The following STK32B variants were observed in gnomAD, a reference collection of about 807,000 sequenced individuals.
STK32B encodes serine/threonine-protein kinase 32B.
In STK32B, 43 loss-of-function variants were observed where a neutral mutation model predicts 52.6. That is an observed-to-expected ratio of 0.82 (90% confidence interval 0.64 to 1.05). The LOEUF (loss-of-function observed/expected upper bound fraction) is 1.05, where lower values mean the gene tolerates loss of function less well. Among genes scored for constraint, STK32B ranks in the 50% least tolerant of loss-of-function variants. The pLI is 0.00. For synonymous variants in STK32B, 238 were observed against 204.3 expected (o/e 1.17, Z -1.41); for missense variants, 621 against 534.6 (o/e 1.16, Z -1.59).
At chr4:5,295,017 A>G (rs986998517) in intron 3 of STK32B, among the ~76,000 whole-genome samples, 1 of 152,150 alleles carries the variant, frequency 6.6e-6, no homozygotes, top group Non-Finnish European at 1.5e-5. Context: ...CCTTTTCTGC[A>G]TCTATTGAGA....
At chr4:5,471,783 A>G (rs890190309) in intron 11 of STK32B, among the ~76,000 whole-genome samples, 2 of 152,060 alleles carry the variant, frequency 1.3e-5, no homozygotes, top group Non-Finnish European at 2.9e-5. Context: ...GTGGGTTCTG[A>G]GTTGAGTCAT....
At chr4:5,304,645 T>C (rs191197015) in intron 3 of STK32B, among the ~76,000 whole-genome samples, 3 of 152,278 alleles carry the variant, frequency 2.0e-5, no homozygotes, top group Non-Finnish European at 4.4e-5. Context: ...CAGTTTGACT[T>C]CCTCATTACC....
At chr4:5,447,072 A>G in intron 7 of STK32B, 1 of 269,622 alleles carries the variant, frequency 3.7e-6, no homozygotes, top group East Asian at 7.5e-5. Flanking sequence ...TCGTGGTTTC[A>G]AACACTGTCC....
chr4:5,074,340 A>G (rs953962281), intron 1 of STK32B, among the ~76,000 whole-genome samples: 3 of 151,836 alleles, frequency 2.0e-5, no homozygotes, highest in Non-Finnish European at 2.9e-5. Flanking sequence ...AAAATTTGAG[A>G]TATTATATTT....
At chr4:5,377,630 A>G (rs994083127) in intron 4 of STK32B, among the ~76,000 whole-genome samples, 1 of 152,190 alleles carries the variant, frequency 6.6e-6, no homozygotes, top group Admixed American at 6.5e-5. Flanking sequence ...CCACGTGTCA[A>G]GGGAGGACCC....
At chr4:5,087,727 T>G (rs1156908469) in intron 1 of STK32B, among the ~76,000 whole-genome samples, 4 of 151,200 alleles carry the variant, frequency 2.6e-5, no homozygotes, top group Non-Finnish European at 5.9e-5. Context: ...AATAAAAAGG[T>G]CAACCCACCA....
chr4:5,053,131 T>C (rs529119120), intron 1 of STK32B, among the ~76,000 whole-genome samples: 1 of 152,322 alleles, frequency 6.6e-6, no homozygotes, highest in East Asian at 1.9e-4. Flanking sequence ...AAAAGATAGA[T>C]GAACACAGTC....
chr4:5,375,095 AC>A (rs1735500551), intron 4 of STK32B, among the ~76,000 whole-genome samples: 1 of 151,616 alleles, frequency 6.6e-6, no homozygotes, highest in Non-Finnish European at 1.5e-5. Context: ...GTCCCCTCCC[AC>A]CCCTGGTGGT....
At chr4:5,384,196 C>T (rs185178150) in intron 4 of STK32B, among the ~76,000 whole-genome samples, 2 of 152,242 alleles carry the variant, frequency 1.3e-5, no homozygotes, top group African/African-American at 4.8e-5. Context: ...TTGAGAGTAC[C>T]TGGGTTTTAC....
At chr4:5,466,603 C>A in intron 9 of STK32B, 100 bp from the exon 10 acceptor site, 1 of 1,430,114 alleles carries the variant, frequency 7.0e-7, no homozygotes, top group Non-Finnish European at 9.3e-7. Context: ...GTAAGTTCAT[C>A]ATTACTTGTT....
intron 11 of STK32B, among the ~76,000 whole-genome samples, chr4:5,491,507 A>T (rs537226854): frequency 3.9e-4 from 59 of 151,386 alleles, no homozygotes; most frequent in African/African-American, 1.1e-3. Flanking sequence ...GGTTGTGAAA[A>T]TTTTCTCCCA....
rs1334175683 is a variant in STK32B, at chr4:5,492,889, C to T, written c.1107-6056C>T. Among the ~76,000 whole-genome samples, 165 of 150,784 alleles carry T rather than the reference C, an allele frequency of 1.1e-3. 3 individuals are homozygous for T. The Middle Eastern group carries it at 0.014, about 12-fold the overall frequency. On this transcript the variant is annotated intron_variant, in intron 11 of 11. Coordinates refer to ENST00000282908, the MANE Select transcript of STK32B (RefSeq NM_018401.3). The stretch of plus-strand genomic sequence containing the variant: ...ATGCTGGATTACATTTATTGATTTG[C>T]GTATATTGAACCAGCCTTGCATCCC...
chr4:5,290,425 TAAATACTAAGACAC>T (rs1728826137), intron 3 of STK32B, among the ~76,000 whole-genome samples: 1 of 152,154 alleles, frequency 6.6e-6, no homozygotes, highest in Non-Finnish European at 1.5e-5. Context: ...ACTTTTTTGT[TAAATACTAAGACAC>T]AAACACAAAC....
intron 4 of STK32B, among the ~76,000 whole-genome samples, chr4:5,393,376 T>G (rs2109039459): frequency 6.6e-6 from 1 of 152,340 alleles, no homozygotes; most frequent in South Asian, 2.1e-4. Flanking sequence ...AACTTATAAG[T>G]GAGGAAGCTA....
intron 11 of STK32B, among the ~76,000 whole-genome samples, chr4:5,479,777 C>T (rs1718534110): frequency 6.6e-6 from 1 of 152,170 alleles, no homozygotes; most frequent in South Asian, 2.1e-4. Context: ...AACTCAATTA[C>T]CATTATTCAA....
chr4:5,142,087 A>G (rs558867048), intron 2 of STK32B, among the ~76,000 whole-genome samples: 1 of 152,338 alleles, frequency 6.6e-6, no homozygotes, highest in African/African-American at 2.4e-5. Context: ...GAAGGGCAGG[A>G]GGATAGTTTG....
intron 3 of STK32B, among the ~76,000 whole-genome samples, chr4:5,213,722 T>C (rs1332435470): frequency 6.6e-6 from 1 of 152,236 alleles, no homozygotes; most frequent in East Asian, 1.9e-4. Flanking sequence ...CTCCCACCTA[T>C]ACTTAAGCTG....
intron 4 of STK32B, among the ~76,000 whole-genome samples, chr4:5,368,102 G>A (rs1167356417): frequency 1.3e-5 from 2 of 152,010 alleles, no homozygotes; most frequent in African/African-American, 2.4e-5. Flanking sequence ...GGGAGAGATG[G>A]AAAGGAAATG....
chr4:5,246,705 T>G (rs1725475136), intron 3 of STK32B, among the ~76,000 whole-genome samples: 1 of 152,242 alleles, frequency 6.6e-6, no homozygotes, highest in African/African-American at 2.4e-5. Context: ...TTTGTGGTTT[T>G]ATCTACCTTT....
Sources: allele counts gnomAD v4.1 joint callset (sites outside exome capture counted in the v4.1 genomes callset), GRCh38; gene constraint gnomAD v4.1.1; transcripts MANE v1.5; gene names NCBI Gene and HGNC (gene_info 2026-07-23, HGNC 2026-07-21).